SPTLC2: variants seen among roughly 807,000 people sequenced by gnomAD.
SPTLC2 encodes the protein serine palmitoyltransferase 2.
A neutral mutation model predicts 62.0 loss-of-function variants in SPTLC2; 21 were observed. The ratio of observed to expected loss-of-function variants is 0.34; its 90% CI spans 0.24 to 0.49. The LOEUF (loss-of-function observed/expected upper bound fraction) is 0.49. Among genes scored for constraint, SPTLC2 ranks in the 20% least tolerant of loss-of-function variants. SPTLC2 has a pLI of 0.99. For synonymous variants in SPTLC2, 261 were observed against 261.8 expected (o/e 1.00, Z 0.03); for missense variants, 511 against 713.0 (o/e 0.72, Z 3.23).
At chr14:77,541,720 T>C (rs1160444162) in intron 9 of SPTLC2, among the ~76,000 whole-genome samples, 1 of 152,164 alleles carries the variant, frequency 6.6e-6, no homozygotes, top group Non-Finnish European at 1.5e-5. Context: ...GTAAATTATA[T>C]ACTCATCACA....
At chr14:77,544,712 G>C (rs1249881751) in intron 9 of SPTLC2, among the ~76,000 whole-genome samples, 1 of 152,166 alleles carries the variant, frequency 6.6e-6, no homozygotes, top group Non-Finnish European at 1.5e-5. Context: ...CTTGAGTCAG[G>C]CTCCTCTTGG....
chr14:77,594,049 C>G (rs1340139093), intron 2 of SPTLC2, among the ~76,000 whole-genome samples: 1 of 152,170 alleles, frequency 6.6e-6, no homozygotes, highest in Non-Finnish European at 1.5e-5. Flanking sequence ...AAATCCTCTC[C>G]ATAAACTGCA....
At chr14:77,532,520 C>T (rs936576778) in intron 9 of SPTLC2, among the ~76,000 whole-genome samples, 1 of 152,108 alleles carries the variant, frequency 6.6e-6, no homozygotes, top group African/African-American at 2.4e-5. Context: ...CGCGGTGGCT[C>T]ACACCTGTAA....
chr14:77,597,314 GTGTTTCT>G lies in SPTLC2; in HGVS notation c.192_198del (p.Glu64AspfsTer26), dbSNP rs1378336012. The G allele has an allele frequency of 1.2e-6, 2 of 1,614,130 alleles. No individual in the cohort carries two copies. Among genetic ancestry groups the G allele is most frequent in the Non-Finnish European group, 8.5e-7 (1 of 1,180,026 alleles). ...TACGTGAGCACAGCAACCAGCATTGGTGTTTCTTCAAAAGCTTCATTAAACGGTCTTT... is the reference window on the plus strand; with the variant it reads ...TACGTGAGCACAGCAACCAGCATTGGTCAAAAGCTTCATTAAACGGTCTTT... On this transcript the variant is annotated frameshift_variant, in exon 2 of 12. Transcript: ENST00000216484. LOFTEE classifies it high-confidence loss of function.
At chr14:77,532,791 A>T (rs1291941485) in intron 9 of SPTLC2, among the ~76,000 whole-genome samples, 1 of 128,450 alleles carries the variant, frequency 7.8e-6, no homozygotes, top group African/African-American at 2.6e-5. Context: ...CTCAAAAAAT[A>T]AAAATAAAAA....
intron 1 of SPTLC2, among the ~76,000 whole-genome samples, chr14:77,601,093 C>T (rs1300856252): frequency 2.6e-5 from 4 of 152,068 alleles, no homozygotes; most frequent in Non-Finnish European, 5.9e-5. Context: ...TTGTTTATAA[C>T]CTTCTAAACT....
chr14:77,528,498 T>C (rs2079420072), intron 9 of SPTLC2, among the ~76,000 whole-genome samples: 2 of 152,130 alleles, frequency 1.3e-5, no homozygotes, highest in Non-Finnish European at 2.9e-5. Context: ...CCCAAAGTGC[T>C]GGGATTACAG....
intron 9 of SPTLC2, 71 bp from the exon 10 acceptor site, chr14:77,521,652 C>T (rs752596063): frequency 3.0e-6 from 4 of 1,355,886 alleles, no homozygotes; most frequent in East Asian, 4.7e-5. Context: ...CAGTAAATCT[C>T]CTCTATCTCC....
intron 1 of SPTLC2, among the ~76,000 whole-genome samples, chr14:77,608,348 A>G (rs2079916043): frequency 6.6e-6 from 1 of 152,244 alleles, no homozygotes; most frequent in South Asian, 2.1e-4. Context: ...TTAGGGAGCT[A>G]GTTTTTGTCA....
chr14:77,509,490 G>A lies in SPTLC2; in HGVS notation c.*2794C>T, dbSNP rs191989490. Reference sequence around the variant, plus strand: ...GAATGAGAAAAAGTGCTAAGGACTAGTCACACCTCTATCAATCGACTCAGA... The same window carrying A: ...GAATGAGAAAAAGTGCTAAGGACTAATCACACCTCTATCAATCGACTCAGA... On this transcript the variant is annotated 3_prime_UTR_variant, in exon 12 of 12. Transcript: ENST00000216484. 75 of 171,540 alleles carry A rather than the reference G, an allele frequency of 4.4e-4. No homozygotes were observed. Among genetic ancestry groups the A allele is most frequent in the Non-Finnish European group, 8.4e-4 (68 of 81,164 alleles). 10.6% of individuals were successfully genotyped at this position (171,540 alleles called of 1,614,324 possible). A position where few individuals can be genotyped will look rare whatever the true frequency, so the allele number is the denominator to read the frequency against.
chr14:77,512,552 G>T, intron 11 of SPTLC2, 149 bp from the exon 12 acceptor site: 2 of 1,226,588 alleles, frequency 1.6e-6, no homozygotes, highest in Non-Finnish European at 1.2e-6. Context: ...CTACAATACA[G>T]CTGTGGAAGG....
At chr14:77,589,482 CT>C (rs10717655) in intron 2 of SPTLC2, among the ~76,000 whole-genome samples, 124,673 of 141,412 alleles carry the variant, frequency 0.88, 55,296 homozygotes, top group Middle Eastern at 0.98. Context: ...ATATCTTAAA[CT>C]TTTTTTTTTT....
At chr14:77,535,323 T>C (rs1025889794) in intron 9 of SPTLC2, among the ~76,000 whole-genome samples, 2 of 151,892 alleles carry the variant, frequency 1.3e-5, no homozygotes, top group African/African-American at 4.8e-5. Flanking sequence ...AAGAGTGGGA[T>C]AGAGGAAGTC....
chr14:77,555,953 A>G (rs1258371669), intron 7 of SPTLC2, among the ~76,000 whole-genome samples: 1 of 152,112 alleles, frequency 6.6e-6, no homozygotes, highest in East Asian at 1.9e-4. Context: ...TGACAACTGT[A>G]TCTGTGGCTT....
At chr14:77,515,988 CTG>C (rs142493170) in intron 11 of SPTLC2, among the ~76,000 whole-genome samples, 25 of 151,194 alleles carry the variant, frequency 1.7e-4, no homozygotes, top group Middle Eastern at 6.8e-3. Flanking sequence ...TGAGCTCTAG[CTG>C]TGTGTGTGTG....
rs1200675706 is a variant in SPTLC2, at chr14:77,616,620, G to A, written c.-41C>T. 1 of 1,527,010 alleles carries A rather than the reference G, an allele frequency of 6.5e-7. No homozygotes were observed. The highest frequency in any genetic ancestry group is 8.8e-7 in the Non-Finnish European group (1 of 1,140,100). The allele number at this position is 1,527,010 out of a possible 1,614,324, so 94.6% of individuals were successfully genotyped here. A position where few individuals can be genotyped will look rare whatever the true frequency, so the allele number is the denominator to read the frequency against. The stretch of plus-strand genomic sequence containing the variant: ...AGGCGCAAGGCAGGCTCTGTAGGCG[G>A]TGGCAGCGGCGGCGGCTGCTCCAAG... On this transcript the variant is annotated 5_prime_UTR_variant, in exon 1 of 12. Coordinates refer to ENST00000216484, the MANE Select transcript of SPTLC2 (RefSeq NM_004863.4).
intron 9 of SPTLC2, chr14:77,535,707 A>G: frequency 4.0e-6 from 1 of 251,588 alleles, no homozygotes; most frequent in Non-Finnish European, 7.8e-6. Context: ...ATTTTACTGG[A>G]ACTCTCTGTA....
intron 1 of SPTLC2, among the ~76,000 whole-genome samples, chr14:77,605,771 G>C (rs752127839): frequency 7.2e-5 from 11 of 152,192 alleles, no homozygotes; most frequent in Non-Finnish European, 1.6e-4. Context: ...CCAGGCTGGA[G>C]GCCTGAACTA....
chr14:77,535,388 G>A (rs1156983236), intron 9 of SPTLC2, among the ~76,000 whole-genome samples: 2 of 152,192 alleles, frequency 1.3e-5, no homozygotes, highest in Admixed American at 6.5e-5. Flanking sequence ...TAGGCGGGAT[G>A]AGAAGGCCTT....
Sources: allele counts gnomAD v4.1 joint callset (sites outside exome capture counted in the v4.1 genomes callset), GRCh38; gene constraint gnomAD v4.1.1; transcripts MANE v1.5; gene names NCBI Gene and HGNC (gene_info 2026-07-23, HGNC 2026-07-21).